The following TDRD1 variants were observed in gnomAD, a reference collection of about 807,000 sequenced individuals.
TDRD1 encodes tudor domain-containing protein 1.
Under a neutral mutation model 140.6 loss-of-function variants are expected in TDRD1, and 37 were observed. The ratio of observed to expected loss-of-function variants is 0.26; its 90% CI spans 0.20 to 0.35. The LOEUF is 0.35. Ranked by LOEUF, TDRD1 falls within the 10% of genes least tolerant of loss-of-function variation. The pLI, the probability that TDRD1 is intolerant of heterozygous loss-of-function variation, is 1.00. For missense variants in TDRD1, 1,243 were observed against 1,393.0 expected (o/e 0.89, Z 1.71); for synonymous variants, 506 against 475.7 (o/e 1.06, Z -0.83).
upstream of TDRD1, among the ~76,000 whole-genome samples, chr10:114,178,134 C>T (rs781110381): frequency 2.0e-5 from 3 of 152,236 alleles, no homozygotes; most frequent in South Asian, 2.1e-4. Context: ...TGAGCCCCCA[C>T]GCCCAGTCAG....
intron 1 of TDRD1, among the ~76,000 whole-genome samples, chr10:114,181,679 T>C (rs998249846): frequency 6.6e-6 from 1 of 152,068 alleles, no homozygotes; most frequent in Non-Finnish European, 1.5e-5. Context: ...ACCCCGTCTC[T>C]ACTAAAAATA....
intron 1 of TDRD1, among the ~76,000 whole-genome samples, chr10:114,180,938 AC>A (rs751947780): frequency 1.3e-5 from 2 of 152,106 alleles, no homozygotes; most frequent in Non-Finnish European, 2.9e-5. Flanking sequence ...GAAATGACTT[AC>A]CCCACTATTC....
chr10:114,225,509 C>T (rs1176955535), intron 21 of TDRD1, among the ~76,000 whole-genome samples: 1 of 151,588 alleles, frequency 6.6e-6, no homozygotes, highest in East Asian at 1.9e-4. Context: ...TTTCCAGCTT[C>T]CAATATTCTG....
chr10:114,212,135 C>A, intron 14 of TDRD1, 99 bp downstream of exon 14: 1 of 1,074,418 alleles, frequency 9.3e-7, no homozygotes, highest in Non-Finnish European at 1.3e-6. Flanking sequence ...CTCAAAACAA[C>A]ATCATGATCA....
intron 1 of TDRD1, among the ~76,000 whole-genome samples, chr10:114,186,243 C>T (rs901390877): frequency 6.6e-6 from 1 of 151,396 alleles, no homozygotes; most frequent in East Asian, 1.9e-4. Flanking sequence ...CTCCCCCAAC[C>T]ACCACCTGAT....
At chr10:114,184,452 A>G (rs1190114817) in intron 1 of TDRD1, among the ~76,000 whole-genome samples, 2 of 152,190 alleles carry the variant, frequency 1.3e-5, no homozygotes, top group East Asian at 3.9e-4. Flanking sequence ...AAAATGGGTG[A>G]TAAGTCTCCA....
In TDRD1 at chr10:114,204,268, G is replaced by T. The variant is rs532689940; in HGVS notation, c.1125+52G>T. On this transcript the variant is annotated intron_variant, in intron 9 of 25. Transcript: ENST00000251864. ...TTAATAGTGTCCCAAAGGAGCTGTT[G>T]TCAATGTTTTGATGGGCACAGTGTT... 2.6e-6 allele frequency: 4 copies of T among 1,534,742 alleles called. No homozygotes were observed. In the Admixed American group the frequency reaches 9.4e-5, roughly 36 times the overall value.
intron 3 of TDRD1, among the ~76,000 whole-genome samples, chr10:114,197,976 C>T (rs1483023304): frequency 6.6e-6 from 1 of 152,150 alleles, no homozygotes; most frequent in African/African-American, 2.4e-5. Flanking sequence ...ATTTAAACTT[C>T]CTGTTTCAGC....
upstream of TDRD1, among the ~76,000 whole-genome samples, chr10:114,175,745 C>T (rs1156525536): frequency 1.3e-5 from 2 of 152,114 alleles, no homozygotes; most frequent in African/African-American, 2.4e-5. Context: ...TTCAAAGATG[C>T]CCCAACTTCT....
At chr10:114,210,520 A>AT (rs2035412710) in intron 11 of TDRD1, 61 bp from the exon 12 acceptor site, 1 of 1,465,500 alleles carries the variant, frequency 6.8e-7, no homozygotes, top group Non-Finnish European at 9.1e-7. Flanking sequence ...AAGCGTGCAT[A>AT]ATTTTTTTTT....
Position 114,221,322 on chromosome 10 carries a change from A to G in TDRD1, c.2771-35A>G, listed in dbSNP as rs760972653. On this transcript the variant is annotated intron_variant, in intron 19 of 25. Coordinates refer to ENST00000251864, the Ensembl canonical transcript of TDRD1. Reference sequence around the variant, plus strand: ...AGGAAAACAACAGTACATTTTTTTTATTCCGTGTGAGACCTGTGTTTTGTA... The same window carrying G: ...AGGAAAACAACAGTACATTTTTTTTGTTCCGTGTGAGACCTGTGTTTTGTA... 3.1e-6 allele frequency: 5 copies of G among 1,596,566 alleles called. No individual in the cohort carries two copies. The Admixed American group carries it at 8.8e-5, about 28-fold the overall frequency.
chr10:114,201,624 T>TTTTTTTTTTTTGAG, intron 5 of TDRD1, 109 bp downstream of exon 5: 3 of 787,454 alleles, frequency 3.8e-6, no homozygotes, highest in Non-Finnish European at 4.0e-6. Flanking sequence ...TACTTTTTCT[T>TTTTTTTTTTTTGAG]AAGCTCTATA....
At chr10:114,228,332 G>T in intron 25 of TDRD1, 1 of 1,336,218 alleles carries the variant, frequency 7.5e-7, no homozygotes. Context: ...TAATGGAACT[G>T]AACCCCCAGG....
intron 25 of TDRD1, among the ~76,000 whole-genome samples, chr10:114,231,248 A>G (rs1218545043): frequency 6.6e-6 from 1 of 152,202 alleles, no homozygotes; most frequent in Non-Finnish European, 1.5e-5. Context: ...TCTTTTATAT[A>G]TAAGGAGAGT....
At chr10:114,186,217 A>C (rs1169225621) in intron 1 of TDRD1, among the ~76,000 whole-genome samples, 1 of 152,074 alleles carries the variant, frequency 6.6e-6, no homozygotes, top group African/African-American at 2.4e-5. Context: ...TCTTATACAG[A>C]GTCTAGACTT....
At chr10:114,227,351 G>C in intron 23 of TDRD1, 52 bp downstream of exon 23, 6 of 1,289,730 alleles carry the variant, frequency 4.7e-6, no homozygotes, top group Non-Finnish European at 4.5e-6. Context: ...AGGAATAACA[G>C]ATAATCAATT....
chr10:114,204,630 C>T, intron 9 of TDRD1, 92 bp from the exon 10 acceptor site: 1 of 1,284,108 alleles, frequency 7.8e-7, no homozygotes, highest in Non-Finnish European at 1.1e-6. Context: ...GATAAGTTTT[C>T]AGCATGAAAT....
chr10:114,220,421 C>A, intron 18 of TDRD1, 147 bp from the exon 19 acceptor site: 1 of 608,508 alleles, frequency 1.6e-6, no homozygotes, highest in Non-Finnish European at 2.9e-6. Context: ...GTCAGGCATG[C>A]AGGATGTAGG....
At chr10:114,185,256 C>A (rs2033423228) in intron 1 of TDRD1, among the ~76,000 whole-genome samples, 1 of 152,212 alleles carries the variant, frequency 6.6e-6, no homozygotes, top group Non-Finnish European at 1.5e-5. Context: ...GTGGCATCAT[C>A]TCTGCTCACT....
Sources: allele counts gnomAD v4.1 joint callset (sites outside exome capture counted in the v4.1 genomes callset), GRCh38; gene constraint gnomAD v4.1.1; transcripts MANE v1.5; gene names NCBI Gene and HGNC (gene_info 2026-07-23, HGNC 2026-07-21).